The following HEPH variants were observed in gnomAD, a reference collection of about 807,000 sequenced individuals.
The protein encoded by HEPH is hephaestin.
In HEPH, 69 loss-of-function variants were observed where a neutral mutation model predicts 80.8. The ratio of observed to expected loss-of-function variants is 0.85; its 90% CI spans 0.70 to 1.04. HEPH has a LOEUF of 1.04. Ranked by LOEUF, HEPH falls within the 50% of genes least tolerant of loss-of-function variation. HEPH has a pLI of 0.00. For synonymous variants in HEPH, 431 were observed against 322.8 expected (o/e 1.34, Z -3.60); for missense variants, 1,115 against 891.3 (o/e 1.25, Z -3.20).
chrX:66,188,561 C>T lies in HEPH; in HGVS notation c.808+20C>T. The T allele has an allele frequency of 8.5e-7, 1 of 1,177,955 alleles. No homozygotes were observed. The highest frequency in any genetic ancestry group is 1.1e-6 in the Non-Finnish European group (1 of 869,796). On this transcript the variant is annotated intron_variant, in intron 5 of 20. Coordinates refer to ENST00000343002, the MANE Select transcript of HEPH (RefSeq NM_001367233.3). ...TGCATGGTGAGTTGGGAAAAGGTGG[C>T]CACATTGTGACAGGGAACATTGTTG...
At chrX:66,215,167 CT>C (rs1217228277) in intron 15 of HEPH, among the ~76,000 whole-genome samples, 13 of 111,458 alleles carry the variant, frequency 1.2e-4, no homozygotes, top group Admixed American at 1.1e-3. Context: ...TGTACATATG[CT>C]TGGTTAAGCT....
chrX:66,207,359 A>G (rs775727607), intron 14 of HEPH, 25 bp downstream of exon 14: 4 of 1,122,659 alleles, frequency 3.6e-6, no homozygotes, highest in Non-Finnish European at 4.8e-6. Flanking sequence ...CTTCCCTCCT[A>G]GTGTTTAGCA....
chrX:66,173,564 T>C, intron 3 of HEPH, 25 bp from the exon 4 acceptor site: 1 of 1,119,743 alleles, frequency 8.9e-7, no homozygotes, highest in Non-Finnish European at 1.2e-6. Flanking sequence ...ATTCTGGGCC[T>C]GTGCATGTAC....
rs1228570929 is a variant in HEPH at position 66,260,143 on chromosome X, G to A, written c.3080G>A (p.Gly1027Glu). ...YRADVVDLFP[G>E]TFEVVEMVAS... ...GCAGATGTGGTGGATCTGTTCCCAGGGACTTTTGAGGTTGTGGAGATGGTG... is the reference window on the plus strand; with the variant it reads ...GCAGATGTGGTGGATCTGTTCCCAGAGACTTTTGAGGTTGTGGAGATGGTG... The change falls in exon 19 of 21, where the codon GGG becomes GAG. Residue 1027 changes from glycine to glutamate, a missense_variant. Gly to Glu is a moderately conservative substitution (Grantham distance 98). Around this residue, in one of 3 missense-constraint regions of HEPH, gnomAD observed 716 missense variants for 523.5 expected, o/e 1.37. Coordinates refer to ENST00000343002, the MANE Select transcript of HEPH (RefSeq NM_001367233.3). The A allele has an allele frequency of 8.3e-6, 10 of 1,208,303 alleles. No homozygotes were observed. Among genetic ancestry groups the A allele is most frequent in the Non-Finnish European group, 1.1e-5 (10 of 893,055 alleles).
intron 15 of HEPH, among the ~76,000 whole-genome samples, chrX:66,222,449 A>G (rs1184985214): frequency 8.9e-6 from 1 of 112,552 alleles, no homozygotes; most frequent in Non-Finnish European, 1.9e-5. Flanking sequence ...TGGATGGAAT[A>G]TTTGATCCAT....
At chrX:66,227,197 A>G (rs2089930266) in intron 15 of HEPH, among the ~76,000 whole-genome samples, 1 of 112,319 alleles carries the variant, frequency 8.9e-6, no homozygotes, top group African/African-American at 3.2e-5. Context: ...GGTCATTTCA[A>G]TAGATGCAGA....
intron 10 of HEPH, among the ~76,000 whole-genome samples, chrX:66,198,399 G>T (rs1379280415): frequency 8.9e-6 from 1 of 112,139 alleles, no homozygotes; most frequent in African/African-American, 3.2e-5. Flanking sequence ...TTTCTGTGAA[G>T]ATTAATTAAA....
rs1041781751 is a variant in HEPH at position 66,172,299 on chromosome X, C to G, written c.168-56C>G. 1.3e-5 allele frequency: 14 copies of G among 1,115,389 alleles called. No individual in the cohort carries two copies. In the African/African-American group the frequency reaches 2.6e-4, roughly 21 times the overall value. The allele number at this position is 1,115,389 out of a possible 1,213,427, so 91.9% of individuals were successfully genotyped here. Reference sequence around the variant, plus strand: ...TGGTCAGTATCCTCTGGAAAAGGAACCTCTCAAGGCTTGAAGATGGGGGGC... The same window carrying G: ...TGGTCAGTATCCTCTGGAAAAGGAAGCTCTCAAGGCTTGAAGATGGGGGGC... On this transcript the variant is annotated intron_variant, in intron 2 of 20. Transcript: ENST00000343002.
chrX:66,211,150 A>G (rs2089094050), intron 15 of HEPH, among the ~76,000 whole-genome samples: 1 of 111,443 alleles, frequency 9.0e-6, no homozygotes, highest in Non-Finnish European at 1.9e-5. Context: ...TAGTGTGTAA[A>G]GTGACAATGG....
At position 66,164,261 on chromosome X, in the gene HEPH, G is replaced by T. The variant is rs748220496; in HGVS notation, c.-223G>T. On this transcript the variant is annotated 5_prime_UTR_variant, in exon 1 of 21. Coordinates refer to ENST00000343002, the MANE Select transcript of HEPH (RefSeq NM_001367233.3). ...AGGAACAGGACATTCCAGTAGTTTTGTTTCTGGAAAAGAGGGCACCCAGCC... is the reference window on the plus strand; with the variant it reads ...AGGAACAGGACATTCCAGTAGTTTTTTTTCTGGAAAAGAGGGCACCCAGCC... 8.0e-5 allele frequency: 60 copies of T among 751,583 alleles called. No homozygotes were observed. The highest frequency in any genetic ancestry group is 8.9e-5 in the Non-Finnish European group (57 of 638,485). The allele number at this position is 751,583 out of a possible 1,213,427, so 61.9% of individuals were successfully genotyped here. A position where few individuals can be genotyped will look rare whatever the true frequency, so the allele number is the denominator to read the frequency against.
intron 15 of HEPH, among the ~76,000 whole-genome samples, chrX:66,236,841 G>A (rs1211467628): frequency 1.8e-5 from 2 of 110,993 alleles, no homozygotes; most frequent in Non-Finnish European, 3.8e-5. Context: ...TCCTGGCTCT[G>A]TCTTGGGAGG....
chrX:66,260,277 C>A lies in HEPH; in HGVS notation c.3199+15C>A. 1 of 1,180,022 alleles carries A rather than the reference C, an allele frequency of 8.5e-7. No individual in the cohort carries two copies. Among genetic ancestry groups the A allele is most frequent in the Non-Finnish European group, 1.2e-6 (1 of 869,088 alleles). ...TTCTCGAACAGGTAAGTCCTAACTT[C>A]CCCAAAATGATCATCTTCTAACACT... On this transcript the variant is annotated intron_variant, in intron 19 of 20. Transcript: ENST00000343002.
At chrX:66,211,586 G>T (rs919592893) in intron 15 of HEPH, among the ~76,000 whole-genome samples, 1 of 111,438 alleles carries the variant, frequency 9.0e-6, no homozygotes, top group Non-Finnish European at 1.9e-5. Context: ...GTGAGAAAAT[G>T]CAATGTTTGT....
intron 13 of HEPH, among the ~76,000 whole-genome samples, chrX:66,204,900 G>A (rs935348149): frequency 1.8e-5 from 2 of 111,835 alleles, no homozygotes; most frequent in African/African-American, 3.2e-5. Context: ...TAGGGCCCAA[G>A]TGAGAATGGT....
chrX:66,220,072 G>C (rs1191989258), intron 15 of HEPH, among the ~76,000 whole-genome samples: 1 of 111,088 alleles, frequency 9.0e-6, no homozygotes, highest in African/African-American at 3.3e-5. Flanking sequence ...AATGATTGAG[G>C]CTTTTAGGAC....
chrX:66,188,333 A>G, intron 4 of HEPH, 26 bp from the exon 5 acceptor site: 5 of 1,134,253 alleles, frequency 4.4e-6, no homozygotes, highest in Non-Finnish European at 5.9e-6. Flanking sequence ...GGATCTTCTC[A>G]AGGGAAACTG....
intron 15 of HEPH, among the ~76,000 whole-genome samples, chrX:66,250,839 T>G (rs961152616): frequency 1.8e-4 from 20 of 111,793 alleles, no homozygotes; most frequent in African/African-American, 6.2e-4. Context: ...TTAGATTTTA[T>G]CCAGTTATTA....
intron 15 of HEPH, among the ~76,000 whole-genome samples, chrX:66,234,650 T>A (rs2148036739): frequency 9.1e-6 from 1 of 110,364 alleles, no homozygotes; most frequent in Non-Finnish European, 1.9e-5. Flanking sequence ...TTGATTTTTT[T>A]TTTTTAGAGG....
upstream of HEPH, among the ~76,000 whole-genome samples, chrX:66,163,679 G>C (rs2086254173): frequency 9.0e-6 from 1 of 111,244 alleles, no homozygotes; most frequent in Non-Finnish European, 1.9e-5. Flanking sequence ...ATGGTTAAAA[G>C]TTTAGACAGA....
Sources: gnomAD v4.1 joint callset for allele counts (sites outside exome capture counted in the v4.1 genomes callset) on GRCh38, gnomAD v4.1.1 for gene constraint, gnomAD v4.1.1 regional missense constraint, MANE v1.5 for transcripts, NCBI Gene and HGNC (gene_info 2026-07-23, HGNC 2026-07-21) for gene names.